The following GSE1 variants were observed in gnomAD, a reference collection of about 807,000 sequenced individuals.
The protein encoded by GSE1 is Gse1 coiled-coil protein.
In GSE1, 32 loss-of-function variants were observed where a neutral mutation model predicts 112.6. The observed-to-expected ratio is 0.28, with a 90% CI of 0.21 to 0.38. The LOEUF is 0.38. Ranked by LOEUF, GSE1 falls within the 10% of genes least tolerant of loss-of-function variation. GSE1 has a pLI of 1.00. For synonymous variants in GSE1, 1,115 were observed against 735.6 expected, an observed-to-expected ratio of 1.52 and a Z score of -8.35; for missense variants, 2,348 against 1,699.2, an observed-to-expected ratio of 1.38 and a Z score of -6.71.
chr16:85,220,632 C>T (rs1408005973), intron 1 of GSE1, among the ~76,000 whole-genome samples: 3 of 152,162 alleles, frequency 2.0e-5, no homozygotes, highest in Admixed American at 6.5e-5. Flanking sequence ...CGCTGCTGCC[C>T]GCTGCTGCCC....
intron 1 of GSE1, among the ~76,000 whole-genome samples, chr16:85,321,879 G>A (rs1027725143): frequency 2.7e-4 from 41 of 152,044 alleles, no homozygotes; most frequent in African/African-American, 9.4e-4. Flanking sequence ...TAACAGCCTC[G>A]GACACTGAGG....
At chr16:85,367,305 C>G (rs1236588623) in intron 2 of GSE1, among the ~76,000 whole-genome samples, 1 of 152,180 alleles carries the variant, frequency 6.6e-6, no homozygotes, top group East Asian at 1.9e-4. Context: ...TCTGCCGGCA[C>G]GTCTGTCTCT....
Position 85,419,181 on chromosome 16 carries a change from A to G in GSE1, c.2464+61538A>G, listed in dbSNP as rs922621106. 6.6e-6 allele frequency among the ~76,000 whole-genome samples: 1 copy of G among 152,210 alleles called. No homozygotes were observed. The highest frequency in any genetic ancestry group is 2.4e-5 in the African/African-American group (1 of 41,458). ...CCAGGCACCGAGCCTGGGGATTCTG[A>G]CAGTCAGAGGCTGCCTTAGTCTCTG... On this transcript the variant is annotated intron_variant, in intron 2 of 2. Coordinates refer to the GSE1 transcript ENST00000637419. This position sits in a 1 kb window ranked among gnomAD's most constrained non-coding sequence, Gnocchi z 6.5.
rs112332481 is a variant in GSE1, at chr16:85,445,085, C to T, written c.2464+87442C>T. 6.4e-3 allele frequency among the ~76,000 whole-genome samples: 973 copies of T among 152,366 alleles called. 13 individuals carry two copies. The highest frequency in any genetic ancestry group is 0.022 in the African/African-American group (933 of 41,584). Reference sequence around the variant, plus strand: ...CTGCACGCCTTGCCCTTGATCTTCCCTGGCTTTATCTTCCAGCCTGAATCG... The same window carrying T: ...CTGCACGCCTTGCCCTTGATCTTCCTTGGCTTTATCTTCCAGCCTGAATCG... On this transcript the variant is annotated intron_variant, in intron 2 of 2. Transcript: ENST00000637419.
chr16:85,316,705 T>C (rs1456008617), intron 1 of GSE1, among the ~76,000 whole-genome samples: 1 of 152,172 alleles, frequency 6.6e-6, no homozygotes, highest in African/African-American at 2.4e-5. Flanking sequence ...CTGCAGTAGA[T>C]CGAGTCCCAA....
chr16:85,365,577 G>A (rs1293991836), intron 2 of GSE1, among the ~76,000 whole-genome samples: 2 of 152,194 alleles, frequency 1.3e-5, no homozygotes, highest in Non-Finnish European at 2.9e-5. Flanking sequence ...CGTCCTTGGG[G>A]ACCACATTCA....
chr16:85,573,957 G>C (rs1450337685), intron 1 of GSE1, among the ~76,000 whole-genome samples: 1 of 152,214 alleles, frequency 6.6e-6, no homozygotes, highest in Non-Finnish European at 1.5e-5. Context: ...AGGAGAACTC[G>C]GGCAGACGTG....
intron 2 of GSE1, among the ~76,000 whole-genome samples, chr16:85,531,296 C>G (rs1170506639): frequency 2.0e-5 from 3 of 152,216 alleles, no homozygotes; most frequent in African/African-American, 7.2e-5. Context: ...CTAAACAACA[C>G]AGTCCTGGGG....
chr16:85,599,420 G>A (rs73271214), intron 1 of GSE1, among the ~76,000 whole-genome samples: 7,153 of 152,292 alleles, frequency 0.047, 559 homozygotes, highest in African/African-American at 0.16. Context: ...CCTGGGCTCC[G>A]CCCTGGACCT....
intron 1 of GSE1, among the ~76,000 whole-genome samples, chr16:85,627,670 C>T (rs1005733861): frequency 4.6e-5 from 7 of 151,328 alleles, no homozygotes; most frequent in East Asian, 3.9e-4. Context: ...AGACAGCCCC[C>T]GGCCCCCCGG....
intron 1 of GSE1, among the ~76,000 whole-genome samples, chr16:85,600,564 CACACACACACACACACACCCCAA>C (rs1468290486): frequency 1.3e-5 from 2 of 148,494 alleles, no homozygotes; most frequent in East Asian, 2.0e-4. Context: ...TGTTAAAAAA[CACACACACACACACACACCCCAA>C]ACACACACAC....
chr16:85,597,373 CAAAAAAAAAA>C (rs1165062872), intron 1 of GSE1, among the ~76,000 whole-genome samples: 2 of 31,846 alleles, frequency 6.3e-5, no homozygotes, highest in Admixed American at 3.2e-4. Context: ...GACTCTGTCT[CAAAAAAAAAA>C]AAAAAAAAAA....
intron 1 of GSE1, among the ~76,000 whole-genome samples, chr16:85,255,579 T>G (rs927573747): frequency 6.6e-6 from 1 of 152,004 alleles, no homozygotes; most frequent in Non-Finnish European, 1.5e-5. Context: ...ACCCGGCTAA[T>G]TTTTGTAGTT....
At chr16:85,458,884 G>A (rs1278231029) in intron 2 of GSE1, among the ~76,000 whole-genome samples, 1 of 152,072 alleles carries the variant, frequency 6.6e-6, no homozygotes, top group African/African-American at 2.4e-5. Context: ...AAGGCCAGAG[G>A]GGAGCTGTGT....
intron 1 of GSE1, among the ~76,000 whole-genome samples, chr16:85,310,424 C>T (rs2045805763): frequency 6.6e-6 from 1 of 152,168 alleles, no homozygotes; most frequent in Non-Finnish European, 1.5e-5. Context: ...CGGCTGCCTT[C>T]CTTTCACAGT....
intron 13 of GSE1, 34 bp from the exon 14 acceptor site, chr16:85,668,106 C>G: frequency 6.6e-7 from 1 of 1,515,312 alleles, no homozygotes; most frequent in South Asian, 1.3e-5. Context: ...TCCCTTCCCC[C>G]AACACACTGA....
At chr16:85,443,980 C>T (rs1318751391) in intron 2 of GSE1, among the ~76,000 whole-genome samples, 2 of 74,326 alleles carry the variant, frequency 2.7e-5, no homozygotes, top group Non-Finnish European at 5.7e-5. Context: ...GACAAGGGGG[C>T]GCTTTTTTTT....
chr16:85,219,775 T>C (rs4592641), intron 1 of GSE1, among the ~76,000 whole-genome samples: 74,887 of 151,866 alleles, frequency 0.49, 18,898 homozygotes, highest in African/African-American at 0.62. Context: ...CACAGCCCCA[T>C]GACTATGGGA....
chr16:85,368,348 G>C lies in GSE1; in HGVS notation c.2464+10705G>C, dbSNP rs191552022. On this transcript the variant is annotated intron_variant, in intron 2 of 2. Coordinates refer to the GSE1 transcript ENST00000637419. ...AAGGTCACTGGAGCATCGGAGGAGA[G>C]CCTTGGCTCTCCTGCCGCCTGTTTC... 9.2e-5 allele frequency among the ~76,000 whole-genome samples: 14 copies of C among 152,270 alleles called. No individual in the cohort carries two copies. The East Asian group carries it at 2.7e-3, about 29-fold the overall frequency.
Sources: gnomAD v4.1 joint callset for allele counts (sites outside exome capture counted in the v4.1 genomes callset) on GRCh38, gnomAD v4.1.1 for gene constraint, Gnocchi (gnomAD v3.1) non-coding constraint, MANE v1.5 for transcripts, NCBI Gene and HGNC (gene_info 2026-07-23, HGNC 2026-07-21) for gene names.